The following EPS8 variants were observed in gnomAD, a reference collection of about 807,000 sequenced individuals.
EPS8 encodes epidermal growth factor receptor kinase substrate 8.
EPS8 carries 42 observed loss-of-function variants against 103.8 expected under a neutral mutation model. The observed-to-expected ratio is 0.40, with a 90% CI of 0.32 to 0.52. The LOEUF is 0.52. EPS8 is among the 20% of genes least tolerant of loss of function. The pLI is 0.40. For missense variants in EPS8, 969 were observed against 1,005.1 expected (o/e 0.96, Z 0.49); for synonymous variants, 344 against 344.6 (o/e 1.00, Z 0.02).
At position 15,704,230 on chromosome 12, in the gene EPS8, T is replaced by A. The variant is rs1565509164; in HGVS notation, c.-21-21258A>T. ...ATGATCCAGCAGTTCTTCTTCTGGGTGTATACCCAAAAGAACTGAAAGTAG... is the reference window on the plus strand; with the variant it reads ...ATGATCCAGCAGTTCTTCTTCTGGGAGTATACCCAAAAGAACTGAAAGTAG... On this transcript the variant is annotated intron_variant, in intron 1 of 20. Coordinates refer to ENST00000281172, the MANE Select transcript of EPS8 (RefSeq NM_004447.6). This position sits in a 1 kb window ranked among gnomAD's most constrained non-coding sequence, Gnocchi z 4.6. Among the ~76,000 whole-genome samples the A allele has an allele frequency of 6.6e-6, 1 of 152,126 alleles. No individual in the cohort carries two copies. The highest frequency in any genetic ancestry group is 1.5e-5 in the Non-Finnish European group (1 of 68,014).
In EPS8 at chr12:15,676,032, G is replaced by C. The variant is rs1272416854; in HGVS notation, c.137-5109C>G. 2.0e-5 allele frequency among the ~76,000 whole-genome samples: 3 copies of C among 152,024 alleles called. No homozygotes were observed. In the East Asian group the frequency reaches 5.8e-4, roughly 29 times the overall value. On this transcript the variant is annotated intron_variant, in intron 3 of 20. Transcript: ENST00000281172. ...TCACGCCTGTAATCCCAGCACTTTG[G>C]GAGACGGAGGCGGGCAGATCTCAAG... is the stretch of plus-strand genomic sequence containing the variant.
At position 15,698,401 on chromosome 12, in the gene EPS8, C is replaced by G; in HGVS notation, c.-21-15429G>C. On this transcript the variant is annotated intron_variant, in intron 1 of 20. Coordinates refer to ENST00000281172, the MANE Select transcript of EPS8 (RefSeq NM_004447.6). This position sits in a 1 kb window ranked among gnomAD's most constrained non-coding sequence, Gnocchi z 4.9. Reference sequence around the variant, plus strand: ...ACTCAAGGAAAAGAACAAGCAGTGTCAACTAGACTCCCCAACCCCCGCTCT... The same window carrying G: ...ACTCAAGGAAAAGAACAAGCAGTGTGAACTAGACTCCCCAACCCCCGCTCT... Among the ~76,000 whole-genome samples, 1 of 152,152 alleles carries G rather than the reference C, an allele frequency of 6.6e-6. No individual in the cohort carries two copies. Among genetic ancestry groups the G allele is most frequent in the Non-Finnish European group, 1.5e-5 (1 of 68,022 alleles).
intron 8 of EPS8, 98 bp from the exon 9 acceptor site, chr12:15,662,197 T>G (rs986525924): frequency 1.1e-5 from 17 of 1,553,618 alleles, no homozygotes; most frequent in Admixed American, 8.7e-5. Context: ...GAGGACCATT[T>G]GCCAAAGGGA....
rs1946542561 is a variant in EPS8, at chr12:15,717,266, GT to G, written c.-21-34295del. Among the ~76,000 whole-genome samples, 1 of 152,088 alleles carries G rather than the reference GT, an allele frequency of 6.6e-6. No individual in the cohort carries two copies. The highest frequency in any genetic ancestry group is 1.5e-5 in the Non-Finnish European group (1 of 67,998). ...TATGGGTTGAAGCTATTGTTTGGCTGTAGAGCTAGGATTAAAGGTAGAAAAA... is the reference window on the plus strand; with the variant it reads ...TATGGGTTGAAGCTATTGTTTGGCTGAGAGCTAGGATTAAAGGTAGAAAAA... On this transcript the variant is annotated intron_variant, in intron 1 of 20. Coordinates refer to ENST00000281172, the MANE Select transcript of EPS8 (RefSeq NM_004447.6). This position sits in a 1 kb window ranked among gnomAD's most constrained non-coding sequence, Gnocchi z 4.3.
At chr12:15,710,452 A>G (rs1481022885) in intron 1 of EPS8, among the ~76,000 whole-genome samples, 1 of 152,246 alleles carries the variant, frequency 6.6e-6, no homozygotes, top group African/African-American at 2.4e-5. Context: ...TAAGAAACTC[A>G]CATTTCATTC....
At chr12:15,708,034 G>A (rs1308796782) in intron 1 of EPS8, among the ~76,000 whole-genome samples, 1 of 152,170 alleles carries the variant, frequency 6.6e-6, no homozygotes, top group Non-Finnish European at 1.5e-5. Context: ...CTTACCCTGA[G>A]TAGCGTTGTT....
intron 18 of EPS8, among the ~76,000 whole-genome samples, chr12:15,631,000 G>T (rs1353198376): frequency 6.6e-6 from 1 of 152,142 alleles, no homozygotes; most frequent in Non-Finnish European, 1.5e-5. Context: ...ATCGCTCCTG[G>T]CTGAGAAGCA....
intron 1 of EPS8, among the ~76,000 whole-genome samples, chr12:15,720,595 G>A (rs1394787349): frequency 6.6e-6 from 1 of 152,196 alleles, no homozygotes; most frequent in Non-Finnish European, 1.5e-5. Flanking sequence ...AACAAATGGG[G>A]TGTTCCTTAA....
chr12:15,622,845 T>C (rs1404743501), intron 20 of EPS8, among the ~76,000 whole-genome samples: 2 of 152,062 alleles, frequency 1.3e-5, no homozygotes, highest in African/African-American at 2.4e-5. Context: ...TCTTACTCAC[T>C]CAGAAGCTAA....
chr12:15,707,540 G>A (rs1946402998), intron 1 of EPS8, among the ~76,000 whole-genome samples: 1 of 151,248 alleles, frequency 6.6e-6, no homozygotes, highest in Non-Finnish European at 1.5e-5. Context: ...GGCCTGTAAG[G>A]TAACTCACTA....
At position 15,769,604 on chromosome 12, in the gene EPS8, G is replaced by A. The variant is rs1389650504; in HGVS notation, c.-22+19557C>T. Among the ~76,000 whole-genome samples the A allele has an allele frequency of 6.6e-6, 1 of 152,080 alleles. No homozygotes were observed. The highest frequency in any genetic ancestry group is 1.5e-5 in the Non-Finnish European group (1 of 68,014). On this transcript the variant is annotated intron_variant, in intron 1 of 20. Coordinates refer to ENST00000281172, the MANE Select transcript of EPS8 (RefSeq NM_004447.6). This position sits in a 1 kb window ranked among gnomAD's most constrained non-coding sequence, Gnocchi z 4.6. Reference sequence around the variant, plus strand: ...AAACATTTAAGATGTTAAGATATAAGATGTATTTATGATTTAAAATAATCT... The same window carrying A: ...AAACATTTAAGATGTTAAGATATAAAATGTATTTATGATTTAAAATAATCT...
intron 18 of EPS8, among the ~76,000 whole-genome samples, chr12:15,628,478 T>A (rs1233472919): frequency 1.3e-5 from 2 of 152,108 alleles, no homozygotes; most frequent in Admixed American, 1.3e-4. Flanking sequence ...TTACAAAAGA[T>A]TAAATTCGAA....
At chr12:15,755,127 G>GGT (rs1321324762) in intron 1 of EPS8, among the ~76,000 whole-genome samples, 5 of 152,160 alleles carry the variant, frequency 3.3e-5, no homozygotes, top group Middle Eastern at 3.4e-3. Flanking sequence ...GAGTATAGAT[G>GGT]ACATCACTCA....
chr12:15,739,056 T>C (rs1946794023), intron 1 of EPS8, among the ~76,000 whole-genome samples: 1 of 152,178 alleles, frequency 6.6e-6, no homozygotes. Flanking sequence ...TCTATAATAA[T>C]AGCTAATACT....
At chr12:15,741,917 A>G (rs1193098328) in intron 1 of EPS8, among the ~76,000 whole-genome samples, 1 of 152,002 alleles carries the variant, frequency 6.6e-6, no homozygotes, top group Non-Finnish European at 1.5e-5. Context: ...CCTGTGTCCA[A>G]GTGTTCTCAC....
chr12:15,665,200 A>T (rs994200872), intron 8 of EPS8: 1 of 152,218 alleles, frequency 6.6e-6, no homozygotes, highest in African/African-American at 2.4e-5. Context: ...CAATCAAGTA[A>T]AACTTCCTCT....
Position 15,733,002 on chromosome 12 carries a change from T to C in EPS8, c.-21-50030A>G, listed in dbSNP as rs974226201. ...ACCTAGGTAGTCATGACTACCACAC[T>C]AGAATTGAACGATACCTAAATAATG... On this transcript the variant is annotated intron_variant, in intron 1 of 20. Coordinates refer to ENST00000281172, the MANE Select transcript of EPS8 (RefSeq NM_004447.6). This position sits in a 1 kb window ranked among gnomAD's most constrained non-coding sequence, Gnocchi z 4.8. Among the ~76,000 whole-genome samples, 2 of 152,140 alleles carry C rather than the reference T, an allele frequency of 1.3e-5. No individual in the cohort carries two copies. Among genetic ancestry groups the C allele is most frequent in the Admixed American group, 1.3e-4 (2 of 15,276 alleles).
chr12:15,645,446 A>T, intron 15 of EPS8, among the ~76,000 whole-genome samples: 1 of 152,184 alleles, frequency 6.6e-6, no homozygotes, highest in East Asian at 1.9e-4. Context: ...TTTATATTTT[A>T]TTTCATTATT....
At position 15,725,757 on chromosome 12, in the gene EPS8, A is replaced by G. The variant is rs138118473; in HGVS notation, c.-21-42785T>C. ...AAAAGATGGAAAAATATGAATTTTA[A>G]AAATTTACAAGCTCTGTCAACATAC... is the stretch of plus-strand genomic sequence containing the variant. On this transcript the variant is annotated intron_variant, in intron 1 of 20. Transcript: ENST00000281172. The surrounding 1 kb of genome is among the most constrained non-coding windows in gnomAD (Gnocchi z 4.5). Among the ~76,000 whole-genome samples, 313 of 152,344 alleles carry G rather than the reference A, an allele frequency of 2.1e-3. No homozygotes were observed. In the South Asian group the frequency reaches 0.024, roughly 12 times the overall value.
Sources: gnomAD v4.1 joint callset for allele counts (sites outside exome capture counted in the v4.1 genomes callset) on GRCh38, gnomAD v4.1.1 for gene constraint, Gnocchi (gnomAD v3.1) non-coding constraint, MANE v1.5 for transcripts, NCBI Gene and HGNC (gene_info 2026-07-23, HGNC 2026-07-21) for gene names.